SWT1: variants seen among roughly 807,000 people sequenced by gnomAD.
SWT1 encodes transcriptional protein SWT1.
A neutral mutation model predicts 107.3 loss-of-function variants in SWT1; 33 were observed. The ratio of observed to expected loss-of-function variants is 0.31; its 90% confidence interval spans 0.23 to 0.41. The LOEUF (loss-of-function observed/expected upper bound fraction) is 0.41. Ranked by LOEUF, SWT1 falls within the 10% of genes least tolerant of loss-of-function variation. The pLI, the probability that SWT1 is intolerant of heterozygous loss-of-function variation, is 1.00. For synonymous variants in SWT1, 345 were observed against 348.3 expected (o/e 0.99, Z 0.11); for missense variants, 898 against 1,028.9 (o/e 0.87, Z 1.74).
At chr1:185,284,686 A>T (rs887545274) in intron 18 of SWT1, among the ~76,000 whole-genome samples, 1 of 152,164 alleles carries the variant, frequency 6.6e-6, no homozygotes, top group Non-Finnish European at 1.5e-5. Flanking sequence ...TTGGCTATAC[A>T]TTTTTGAATT....
chr1:185,271,363 C>A lies in SWT1; in HGVS notation c.2482C>A (p.Leu828Ile). ...PNSNYQDVETLYNFLIKYEVN... is the reference protein window; with the variant it reads ...PNSNYQDVETIYNFLIKYEVN... Reference sequence around the variant, plus strand: ...CAGTAATTATCAAGATGTTGAGACCCTCTATAACTTCCTAATCAAGTATGA... The same window carrying A: ...CAGTAATTATCAAGATGTTGAGACCATCTATAACTTCCTAATCAAGTATGA... Residue 828 changes from leucine (L) to isoleucine (I), a missense_variant, in exon 17 of 19, where the codon CTC becomes ATC. Around this residue, in one of 6 missense-constraint regions of SWT1, gnomAD observed 382 missense variants for 460.0 expected, o/e 0.83. Transcript: ENST00000367500. 6.6e-7 allele frequency: 1 copy of A among 1,519,424 alleles called. No homozygotes were observed. Among genetic ancestry groups the A allele is most frequent in the South Asian group, 1.1e-5 (1 of 87,898 alleles). 94.1% of individuals were successfully genotyped at this position (1,519,424 alleles called of 1,614,324 possible).
chr1:185,205,693 A>C (rs1008204634), intron 12 of SWT1, among the ~76,000 whole-genome samples: 4 of 152,188 alleles, frequency 2.6e-5, no homozygotes, highest in African/African-American at 9.6e-5. Context: ...CATCAATCAT[A>C]GCTTGTATCT....
intron 16 of SWT1, among the ~76,000 whole-genome samples, chr1:185,269,853 G>C (rs542849995): frequency 1.3e-5 from 2 of 152,232 alleles, no homozygotes; most frequent in East Asian, 1.9e-4. Flanking sequence ...ACTTACCATG[G>C]GGTTAGGGTT....
rs188506767 is a variant in SWT1 at position 185,227,479 on chromosome 1, A to G, written c.2310-4098A>G. On this transcript the variant is annotated intron_variant, in intron 15 of 18. Transcript: ENST00000367500. The stretch of plus-strand genomic sequence containing the variant: ...TTTGTGTACATATGCTGTGCAGACT[A>G]TCATATCCCTCTCTATACGAGCAGA... 6 of 577,852 alleles carry G rather than the reference A, an allele frequency of 1.0e-5. No homozygotes were observed. The Admixed American group carries it at 1.1e-4, about 10-fold the overall frequency. 35.8% of individuals were successfully genotyped at this position (577,852 alleles called of 1,614,324 possible).
At chr1:185,287,464 T>C (rs1360438130) in intron 18 of SWT1, among the ~76,000 whole-genome samples, 1 of 152,188 alleles carries the variant, frequency 6.6e-6, no homozygotes, top group Non-Finnish European at 1.5e-5. Context: ...ATATTTGTAC[T>C]ATCAGAGGAA....
At chr1:185,161,053 C>A (rs1042574576) in intron 2 of SWT1, 128 bp downstream of exon 2, 7 of 705,994 alleles carry the variant, frequency 9.9e-6, no homozygotes, top group Non-Finnish European at 1.4e-5. Flanking sequence ...CAGGAAAAGT[C>A]ATTTGCTTTT....
chr1:185,258,596 A>G (rs1356140112), intron 16 of SWT1, among the ~76,000 whole-genome samples: 1 of 152,074 alleles, frequency 6.6e-6, no homozygotes, highest in Non-Finnish European at 1.5e-5. Context: ...TATGGATTCT[A>G]GATTGACTAT....
chr1:185,180,107 C>T (rs530046925), intron 5 of SWT1, among the ~76,000 whole-genome samples: 14 of 152,206 alleles, frequency 9.2e-5, no homozygotes, highest in African/African-American at 3.1e-4. Context: ...TCGCTTGAGT[C>T]CAGGAGGTTG....
chr1:185,174,115 T>C (rs550624472), intron 4 of SWT1, among the ~76,000 whole-genome samples: 1 of 152,324 alleles, frequency 6.6e-6, no homozygotes, highest in Admixed American at 6.5e-5. Flanking sequence ...TAATAATTAT[T>C]TTACACTTAA....
At chr1:185,285,549 T>C (rs1384973414) in intron 18 of SWT1, among the ~76,000 whole-genome samples, 1 of 152,208 alleles carries the variant, frequency 6.6e-6, no homozygotes, top group East Asian at 1.9e-4. Flanking sequence ...ATTTTGATTA[T>C]TTATGTATTT....
chr1:185,192,380 G>T (rs550388575), intron 10 of SWT1, among the ~76,000 whole-genome samples: 1 of 152,228 alleles, frequency 6.6e-6, no homozygotes, highest in East Asian at 1.9e-4. Context: ...AGAAACCAGG[G>T]AGTAAATTTT....
At chr1:185,181,289 A>G (rs760907214) in intron 6 of SWT1, among the ~76,000 whole-genome samples, 13 of 152,166 alleles carry the variant, frequency 8.5e-5, no homozygotes, top group Non-Finnish European at 1.6e-4. Context: ...AAAAACTTTC[A>G]GACTATATTA....
intron 14 of SWT1, among the ~76,000 whole-genome samples, chr1:185,220,909 C>A (rs1425951406): frequency 2.6e-5 from 4 of 152,216 alleles, no homozygotes; most frequent in Admixed American, 2.6e-4. Flanking sequence ...AATAGTATTT[C>A]CATCAATTCC....
intron 15 of SWT1, among the ~76,000 whole-genome samples, chr1:185,229,883 A>T (rs184740049): frequency 6.6e-6 from 1 of 152,186 alleles, no homozygotes; most frequent in African/African-American, 2.4e-5. Flanking sequence ...AGGCAAATCC[A>T]TAGAGACAGA....
rs1347493947 is a variant in SWT1, at chr1:185,214,616, C to T, written c.2082C>T (p.Thr694=). 2 of 1,611,254 alleles carry T rather than the reference C, an allele frequency of 1.2e-6. No individual in the cohort carries two copies. The highest frequency in any genetic ancestry group is 2.2e-5 in the South Asian group (2 of 90,542). ...ATTATGATGGTATTCTTCCACAGAC[C>T]TTTGCTCAAGTAAACAACCTCCTTC... ...RSNYDGILPQ[T]FAQVNNLLQT... The change falls in exon 14 of 19, where the codon ACC becomes ACT. Residue 694 remains threonine (T), a synonymous_variant. Coordinates refer to ENST00000367500, the MANE Select transcript of SWT1 (RefSeq NM_017673.7).
chr1:185,169,324 A>G (rs1654851300), intron 4 of SWT1, among the ~76,000 whole-genome samples: 1 of 147,790 alleles, frequency 6.8e-6, no homozygotes, highest in Non-Finnish European at 1.5e-5. Flanking sequence ...ACACTATTTG[A>G]CTTTAAACTA....
chr1:185,218,821 G>T (rs887630649), intron 14 of SWT1, among the ~76,000 whole-genome samples: 3 of 152,062 alleles, frequency 2.0e-5, no homozygotes, highest in Non-Finnish European at 4.4e-5. Context: ...AAACTCTCTG[G>T]ACCTTAATTC....
At position 185,190,543 on chromosome 1, in the gene SWT1, T is replaced by C. The variant is rs781511220; in HGVS notation, c.1430-6T>C. 6 of 1,574,722 alleles carry C rather than the reference T, an allele frequency of 3.8e-6. No homozygotes were observed. The highest frequency in any genetic ancestry group is 1.7e-5 in the Admixed American group (1 of 59,504). ...TTACTGACTGTTGCCTTTACTAAAT[T>C]TGCAGATGGATTGAGTGATGAGAAC... On this transcript the variant is annotated splice_polypyrimidine_tract_variant and splice_region_variant and intron_variant, in intron 9 of 18. Coordinates refer to ENST00000367500, the MANE Select transcript of SWT1 (RefSeq NM_017673.7).
At position 185,160,900 on chromosome 1, in the gene SWT1, C is replaced by A; in HGVS notation, c.59C>A (p.Thr20Asn). The A allele has an allele frequency of 6.2e-7, 1 of 1,612,676 alleles. No individual in the cohort carries two copies. Among genetic ancestry groups the A allele is most frequent in the Non-Finnish European group, 8.5e-7 (1 of 1,179,350 alleles). The change falls in exon 2 of 19, where the codon ACC (threonine) becomes AAC (asparagine). Residue 20 changes from threonine (T) to asparagine (N), a missense_variant. Thr to Asn is a moderately conservative substitution (Grantham distance 65). This residue lies in a region of SWT1 where 382 missense variants were observed against 362.4 expected (regional missense o/e 1.05). Transcript: ENST00000367500. The stretch of plus-strand genomic sequence containing the variant: ...ACATCTCAGAGGAAAGACACCACCA[C>A]CTCATCACCCAATTTTGGTGAAAAA... Reference protein sequence around the residue: ...KETSQRKDTTTSSPNFGEKDK... With the variant: ...KETSQRKDTTNSSPNFGEKDK...
Sources: allele counts gnomAD v4.1 joint callset (sites outside exome capture counted in the v4.1 genomes callset), GRCh38; gene constraint gnomAD v4.1.1; regional missense constraint gnomAD v4.1.1; transcripts MANE v1.5; gene names NCBI Gene and HGNC (gene_info 2026-07-23, HGNC 2026-07-21).